The following VPS13B variants were observed in gnomAD, a reference collection of about 807,000 sequenced individuals.
VPS13B encodes intermembrane lipid transfer protein VPS13B.
In VPS13B, 285 loss-of-function variants were observed where a neutral mutation model predicts 426.4. The observed-to-expected ratio is 0.67, with a 90% CI of 0.61 to 0.74. The LOEUF is 0.74. VPS13B is among the 30% of genes least tolerant of loss of function. The probability of loss-of-function intolerance (pLI) is 0.00; values close to 1 mark genes in which losing one functional copy is unlikely to be tolerated. For synonymous variants in VPS13B, 1,676 were observed against 1,676.4 expected (o/e 1.00, Z 0.01); for missense variants, 4,537 against 4,782.6 (o/e 0.95, Z 1.51).
At chr8:99,217,859 C>T (rs1472385925) in intron 17 of VPS13B, among the ~76,000 whole-genome samples, 3 of 152,180 alleles carry the variant, frequency 2.0e-5, no homozygotes, top group Non-Finnish European at 4.4e-5. Flanking sequence ...GACTTTTGCA[C>T]AATGCCAGAC....
chr8:99,148,666 T>C (rs1398614350), intron 14 of VPS13B, among the ~76,000 whole-genome samples: 1 of 152,168 alleles, frequency 6.6e-6, no homozygotes, highest in Admixed American at 6.5e-5. Context: ...CTGACTATTT[T>C]AGTTTTAGCC....
chr8:99,731,902 A>AATCAACCC (rs966744994), intron 39 of VPS13B, among the ~76,000 whole-genome samples: 4 of 133,230 alleles, frequency 3.0e-5, no homozygotes, highest in Non-Finnish European at 6.4e-5. Context: ...TCTAAGCCTG[A>AATCAACCC]ATCAACCCTG....
At chr8:99,698,686 C>T (rs1832135876) in intron 35 of VPS13B, among the ~76,000 whole-genome samples, 1 of 152,176 alleles carries the variant, frequency 6.6e-6, no homozygotes, top group African/African-American at 2.4e-5. Context: ...TGAATGCATG[C>T]ATATGTAAGA....
At chr8:99,520,839 T>G in intron 29 of VPS13B, 60 bp from the exon 30 acceptor site, 1 of 1,348,362 alleles carries the variant, frequency 7.4e-7, no homozygotes, top group Middle Eastern at 1.8e-4. Context: ...GATTTCTCCT[T>G]ATGCATAAAG....
chr8:99,348,251 ATTTCTGCACACTGGAGGGC>A (rs940726255), intron 19 of VPS13B: 3 of 152,214 alleles, frequency 2.0e-5, no homozygotes, highest in Admixed American at 6.5e-5. Flanking sequence ...GCCACATGAT[ATTTCTGCACACTGGAGGGC>A]TTTCTGCAAC....
Position 99,875,829 on chromosome 8 carries a change from A to C in VPS13B, c.*163A>C. 1 of 886,732 alleles carries C rather than the reference A, an allele frequency of 1.1e-6. No individual in the cohort carries two copies. The highest frequency in any genetic ancestry group is 1.6e-5 in the South Asian group (1 of 63,042). 54.9% of individuals were successfully genotyped at this position (886,732 alleles called of 1,614,324 possible). ...ACGACTGCAAGCACCTGCCACCATA[A>C]AGGGCTGCATTTTGCCACCATAAAG... On this transcript the variant is annotated 3_prime_UTR_variant, in exon 62 of 62. Coordinates refer to ENST00000357162, the MANE Select transcript of VPS13B (RefSeq NM_152564.5).
At chr8:99,572,799 A>G (rs1487788464) in intron 31 of VPS13B, among the ~76,000 whole-genome samples, 4 of 151,814 alleles carry the variant, frequency 2.6e-5, no homozygotes, top group Non-Finnish European at 4.4e-5. Context: ...ATGATTTATA[A>G]TCCTTTGGGT....
chr8:99,227,119 C>T (rs572872922), intron 17 of VPS13B, among the ~76,000 whole-genome samples: 1 of 152,260 alleles, frequency 6.6e-6, no homozygotes, highest in African/African-American at 2.4e-5. Flanking sequence ...TTAGCTCTTA[C>T]ATATGACTGA....
intron 22 of VPS13B, among the ~76,000 whole-genome samples, chr8:99,433,180 C>G (rs913644833): frequency 6.6e-6 from 1 of 152,160 alleles, no homozygotes; most frequent in African/African-American, 2.4e-5. Flanking sequence ...GGCTGCACTG[C>G]CCTTCAGCAG....
At chr8:99,263,044 G>C (rs573408859) in intron 17 of VPS13B, among the ~76,000 whole-genome samples, 232 of 152,060 alleles carry the variant, frequency 1.5e-3, no homozygotes, top group African/African-American at 4.8e-3. Flanking sequence ...CAAAGTGCTG[G>C]GATTATAGGC....
chr8:99,854,604 A>T (rs1313516143), intron 56 of VPS13B, among the ~76,000 whole-genome samples: 1 of 152,180 alleles, frequency 6.6e-6, no homozygotes, highest in Non-Finnish European at 1.5e-5. Context: ...ATTTTAGTTC[A>T]GTTTAGCACA....
chr8:99,156,580 T>A lies in VPS13B; in HGVS notation c.2045T>A (p.Phe682Tyr), dbSNP rs769631088. 1.9e-6 allele frequency: 3 copies of A among 1,613,958 alleles called. No homozygotes were observed. The African/African-American group carries it at 4.0e-5, about 22-fold the overall frequency. The change falls in exon 15 of 62, where the codon TTC (phenylalanine) becomes TAC (tyrosine). Residue 682 changes from phenylalanine (F) to tyrosine (Y), a missense_variant. Coordinates refer to ENST00000357162, the MANE Select transcript of VPS13B (RefSeq NM_152564.5). ...AGTAACTTCATGAATACTACAAACTTCCAGTCTCTTCGGCCTTTGCCATCC... is the reference window on the plus strand; with the variant it reads ...AGTAACTTCATGAATACTACAAACTACCAGTCTCTTCGGCCTTTGCCATCC... ...NSSNFMNTTN[F>Y]QSLRPLPSIR... is the part of the protein sequence containing the mutation.
intron 8 of VPS13B, among the ~76,000 whole-genome samples, chr8:99,133,061 A>G (rs1809886710): frequency 6.6e-6 from 1 of 152,196 alleles, no homozygotes; most frequent in Non-Finnish European, 1.5e-5. Flanking sequence ...GAAGCCAAGC[A>G]CTGACTTTTC....
chr8:99,594,436 A>T (rs985008889), intron 33 of VPS13B, among the ~76,000 whole-genome samples: 1 of 151,796 alleles, frequency 6.6e-6, no homozygotes, highest in East Asian at 1.9e-4. Flanking sequence ...TATAATAAGA[A>T]CTCAATAAAA....
At chr8:99,747,511 A>G (rs775008517) in intron 39 of VPS13B, among the ~76,000 whole-genome samples, 8 of 152,156 alleles carry the variant, frequency 5.3e-5, no homozygotes, top group Non-Finnish European at 1.0e-4. Flanking sequence ...CTATAATCTT[A>G]TATTTTTCAT....
intron 19 of VPS13B, chr8:99,340,940 A>G (rs1340844219): frequency 3.5e-6 from 1 of 284,608 alleles, no homozygotes; most frequent in Non-Finnish European, 7.4e-6. Context: ...GTGGGCTGGG[A>G]GAGAGCTCCC....
intron 16 of VPS13B, among the ~76,000 whole-genome samples, chr8:99,186,760 T>C (rs1813240498): frequency 6.6e-6 from 1 of 152,160 alleles, no homozygotes; most frequent in Non-Finnish European, 1.5e-5. Context: ...GTGTTTATTA[T>C]TGAATTCTAA....
chr8:99,816,423 C>T (rs1208084364), intron 44 of VPS13B, among the ~76,000 whole-genome samples: 2 of 152,088 alleles, frequency 1.3e-5, no homozygotes, highest in African/African-American at 2.4e-5. Flanking sequence ...TTCTTAATAC[C>T]TACTATGAAC....
chr8:99,718,671 C>CT (rs1307941415), intron 37 of VPS13B, among the ~76,000 whole-genome samples: 140 of 141,732 alleles, frequency 9.9e-4, no homozygotes, highest in South Asian at 2.2e-3. Context: ...TTCTTTTTTT[C>CT]TTTTTTTTTT....
Sources: gnomAD v4.1 joint callset for allele counts (sites outside exome capture counted in the v4.1 genomes callset) on GRCh38, gnomAD v4.1.1 for gene constraint, MANE v1.5 for transcripts, NCBI Gene and HGNC (gene_info 2026-07-23, HGNC 2026-07-21) for gene names.